Variants in ADGRB3 observed in about 807,000 individuals in gnomAD.
ADGRB3 encodes adhesion G protein-coupled receptor B3.
In ADGRB3, 37 loss-of-function variants were observed where a neutral mutation model predicts 193.4. That is an observed-to-expected ratio of 0.19 (90% CI 0.15 to 0.25). ADGRB3 has a LOEUF of 0.25. ADGRB3 is among the 10% of genes least tolerant of loss of function. The pLI, the probability that ADGRB3 is intolerant of heterozygous loss-of-function variation, is 1.00. For synonymous variants in ADGRB3, 690 were observed against 644.2 expected (o/e 1.07, Z -1.08); for missense variants, 1,637 against 1,852.9 (o/e 0.88, Z 2.14).
chr6:69,194,653 C>A (rs966857105), intron 17 of ADGRB3, among the ~76,000 whole-genome samples: 3 of 152,008 alleles, frequency 2.0e-5, no homozygotes, highest in African/African-American at 4.8e-5. Context: ...GTAAGGTTAA[C>A]CTCTTAATCT....
chr6:68,929,434 C>G (rs368857680), intron 3 of ADGRB3, among the ~76,000 whole-genome samples: 1 of 152,084 alleles, frequency 6.6e-6, no homozygotes, highest in Admixed American at 6.6e-5. Flanking sequence ...GTCTTTTCTC[C>G]TTCCATACAA....
intron 3 of ADGRB3, among the ~76,000 whole-genome samples, chr6:68,919,785 G>C (rs1412569101): frequency 6.6e-6 from 1 of 152,156 alleles, no homozygotes; most frequent in Admixed American, 6.5e-5. Context: ...CAAGAGAGCA[G>C]TTTCATTCAA....
At chr6:68,847,494 C>T (rs12524957) in intron 3 of ADGRB3, among the ~76,000 whole-genome samples, 13,776 of 152,088 alleles carry the variant, frequency 0.091, 829 homozygotes, top group Non-Finnish European at 0.13. Context: ...TCATTGTTGC[C>T]GGTTTTTCTC....
intron 3 of ADGRB3, among the ~76,000 whole-genome samples, chr6:68,855,541 A>T (rs1764958922): frequency 6.6e-6 from 1 of 151,980 alleles, no homozygotes; most frequent in African/African-American, 2.4e-5. Flanking sequence ...TAACACTAAA[A>T]TATATCCTTT....
At chr6:69,089,014 G>A (rs1772631074) in intron 17 of ADGRB3, among the ~76,000 whole-genome samples, 1 of 152,198 alleles carries the variant, frequency 6.6e-6, no homozygotes, top group South Asian at 2.1e-4. Context: ...TAGAAAAGGA[G>A]GTTTGCAGTT....
intron 10 of ADGRB3, among the ~76,000 whole-genome samples, chr6:68,982,396 G>T (rs1768942861): frequency 6.6e-6 from 1 of 152,102 alleles, no homozygotes; most frequent in African/African-American, 2.4e-5. Flanking sequence ...TCTGGGTCAG[G>T]GCTGTTTTGC....
chr6:68,863,201 G>T (rs1765203685), intron 3 of ADGRB3, among the ~76,000 whole-genome samples: 1 of 151,736 alleles, frequency 6.6e-6, no homozygotes. Context: ...ATTAATTTTA[G>T]CACTCTATTT....
intron 3 of ADGRB3, among the ~76,000 whole-genome samples, chr6:68,697,542 TTAA>T (rs1430506236): frequency 6.6e-6 from 1 of 151,956 alleles, no homozygotes; most frequent in African/African-American, 2.4e-5. Flanking sequence ...ACTACTTATC[TTAA>T]TAATTTCAAT....
At chr6:69,066,619 A>G (rs144222453) in intron 16 of ADGRB3, among the ~76,000 whole-genome samples, 107 of 152,228 alleles carry the variant, frequency 7.0e-4, no homozygotes, top group African/African-American at 2.5e-3. Context: ...TTAGTCATTA[A>G]TTAGTAAGAC....
intron 13 of ADGRB3, among the ~76,000 whole-genome samples, chr6:69,024,867 C>A (rs1020501836): frequency 1.3e-5 from 2 of 151,928 alleles, no homozygotes; most frequent in South Asian, 4.1e-4. Context: ...CCGAGGCAGG[C>A]GGATCATGAG....
chr6:68,986,726 G>A (rs2150271527), intron 10 of ADGRB3, among the ~76,000 whole-genome samples: 1 of 152,266 alleles, frequency 6.6e-6, no homozygotes, highest in East Asian at 1.9e-4. Flanking sequence ...TTTAATTGAA[G>A]CCACTTAGAA....
intron 13 of ADGRB3, among the ~76,000 whole-genome samples, chr6:69,025,523 C>CTTTTTTTTTTTTTT (rs5877186): frequency 7.2e-6 from 1 of 139,654 alleles, no homozygotes; most frequent in African/African-American, 2.6e-5. Context: ...CACAATTTAA[C>CTTTTTTTTTTTTTT]TTTTTTTTTT....
rs192862267 is a variant in ADGRB3 at position 68,971,769 on chromosome 6, T to C, written c.1526-2994T>C. Among the ~76,000 whole-genome samples, 7 of 152,370 alleles carry C rather than the reference T, an allele frequency of 4.6e-5. No individual in the cohort carries two copies. In the East Asian group the frequency reaches 9.6e-4, roughly 21 times the overall value. On this transcript the variant is annotated intron_variant, in intron 8 of 31. Transcript: ENST00000370598. ...AGAAACCAACTGATTACATACTTATTGAGGCTCCAACATTTACTAACTTTT... is the reference window on the plus strand; with the variant it reads ...AGAAACCAACTGATTACATACTTATCGAGGCTCCAACATTTACTAACTTTT...
intron 3 of ADGRB3, among the ~76,000 whole-genome samples, chr6:68,647,910 C>T (rs1247234899): frequency 6.6e-6 from 1 of 152,020 alleles, no homozygotes; most frequent in African/African-American, 2.4e-5. Context: ...ACCAATGATC[C>T]CGAATATCCC....
chr6:69,283,969 A>G (rs1325216827), intron 20 of ADGRB3, among the ~76,000 whole-genome samples: 2 of 152,158 alleles, frequency 1.3e-5, no homozygotes, highest in East Asian at 3.9e-4. Context: ...CTTCCCTGAA[A>G]AGAGGAAAAA....
chr6:68,919,913 G>C (rs1338253079), intron 3 of ADGRB3, among the ~76,000 whole-genome samples: 1 of 152,074 alleles, frequency 6.6e-6, no homozygotes, highest in African/African-American at 2.4e-5. Context: ...AGAATGAAAT[G>C]GGAAATTATA....
intron 13 of ADGRB3, among the ~76,000 whole-genome samples, chr6:69,031,568 C>CTTTCTTTCTTTCTTTCT (rs1470963236): frequency 3.6e-4 from 1 of 2,758 alleles, no homozygotes; most frequent in African/African-American, 7.5e-4. Flanking sequence ...TCTTTCTTTT[C>CTTTCTTTCTTTCTTTCT]TTCCTCTGTC....
intron 17 of ADGRB3, among the ~76,000 whole-genome samples, chr6:69,113,989 A>C (rs2150326706): frequency 6.6e-6 from 1 of 152,286 alleles, no homozygotes. Flanking sequence ...CTAAGATGTA[A>C]GTCCTGCAGA....
At chr6:69,259,978 AC>A (rs1371507644) in intron 20 of ADGRB3, among the ~76,000 whole-genome samples, 1 of 152,204 alleles carries the variant, frequency 6.6e-6, no homozygotes, top group African/African-American at 2.4e-5. Context: ...ATTTTGTTTA[AC>A]ACAAATTCAT....
Sources: allele counts gnomAD v4.1 joint callset (sites outside exome capture counted in the v4.1 genomes callset), GRCh38; gene constraint gnomAD v4.1.1; transcripts MANE v1.5; gene names NCBI Gene and HGNC (gene_info 2026-07-23, HGNC 2026-07-21).